Variants in FNDC3B observed in about 807,000 individuals in gnomAD.
FNDC3B encodes fibronectin type III domain containing 3B.
A neutral mutation model predicts 151.5 loss-of-function variants in FNDC3B; 12 were observed. The observed-to-expected ratio is 0.08, with a 90% CI of 0.05 to 0.13. The LOEUF is 0.13. Ranked by LOEUF, FNDC3B falls within the 10% of genes least tolerant of loss-of-function variation. The pLI is 1.00. For synonymous variants in FNDC3B, 528 were observed against 549.0 expected, an observed-to-expected ratio of 0.96 and a Z score of 0.54; for missense variants, 1,214 against 1,505.3, an observed-to-expected ratio of 0.81 and a Z score of 3.20.
chr3:172,397,923 G>A lies in FNDC3B; in HGVS notation c.*448G>A, dbSNP rs1019230015. 1 of 152,976 alleles carries A rather than the reference G, an allele frequency of 6.5e-6. No individual in the cohort carries two copies. The highest frequency in any genetic ancestry group is 2.4e-5 in the African/African-American group (1 of 41,354). The allele number at this position is 152,976 out of a possible 1,614,324, so 9.5% of individuals were successfully genotyped here. A position where few individuals can be genotyped will look rare whatever the true frequency, so the allele number is the denominator to read the frequency against. ...CTTACAGGGCTAGGATTTCAGTGTT[G>A]TCAGAGTATTACCACACAGCAACAG... On this transcript the variant is annotated 3_prime_UTR_variant, in exon 26 of 26. Transcript: ENST00000415807.
At chr3:172,201,687 C>T (rs781314427) in intron 3 of FNDC3B, among the ~76,000 whole-genome samples, 7 of 152,166 alleles carry the variant, frequency 4.6e-5, no homozygotes, top group Non-Finnish European at 7.4e-5. Context: ...AGCAATTTCT[C>T]CAACTCCAGA....
intron 1 of FNDC3B, among the ~76,000 whole-genome samples, chr3:172,088,745 A>G (rs1718672079): frequency 6.6e-6 from 1 of 152,212 alleles, no homozygotes; most frequent in African/African-American, 2.4e-5. Context: ...AGTGAAATCT[A>G]AAAAAGAAAT....
At chr3:172,092,904 C>T (rs918266407) in intron 1 of FNDC3B, among the ~76,000 whole-genome samples, 3 of 152,300 alleles carry the variant, frequency 2.0e-5, no homozygotes, top group African/African-American at 7.2e-5. Flanking sequence ...CTCCTGGGCT[C>T]AAGTGATTCT....
At chr3:172,212,015 A>G (rs1361015357) in intron 3 of FNDC3B, among the ~76,000 whole-genome samples, 2 of 152,244 alleles carry the variant, frequency 1.3e-5, no homozygotes, top group Non-Finnish European at 2.9e-5. Flanking sequence ...ACCATTAATC[A>G]TATAAATAAA....
At chr3:172,354,394 C>A (rs1397603041) in intron 22 of FNDC3B, among the ~76,000 whole-genome samples, 1 of 151,274 alleles carries the variant, frequency 6.6e-6, no homozygotes, top group Admixed American at 6.6e-5. Context: ...ATATTAGGGA[C>A]CAAGTTCAAT....
At chr3:172,293,101 G>A (rs977605344) in intron 7 of FNDC3B, among the ~76,000 whole-genome samples, 1 of 152,140 alleles carries the variant, frequency 6.6e-6, no homozygotes, top group Admixed American at 6.5e-5. Flanking sequence ...GGGGCTCCTC[G>A]AGGCCAAAGA....
intron 1 of FNDC3B, among the ~76,000 whole-genome samples, chr3:172,097,489 G>A (rs1161253529): frequency 6.6e-6 from 1 of 152,158 alleles, no homozygotes; most frequent in African/African-American, 2.4e-5. Context: ...CAATCACATG[G>A]TGCAAAGTAA....
At chr3:172,088,815 T>C (rs1261136315) in intron 1 of FNDC3B, among the ~76,000 whole-genome samples, 1 of 152,236 alleles carries the variant, frequency 6.6e-6, no homozygotes, top group Non-Finnish European at 1.5e-5. Flanking sequence ...GCCATTATGA[T>C]TTTATGATTA....
At position 172,310,056 on chromosome 3, in the gene FNDC3B, C is replaced by T. The variant is rs553639795; in HGVS notation, c.1201-772C>T. Among the ~76,000 whole-genome samples the T allele has an allele frequency of 6.6e-5, 10 of 152,224 alleles. No homozygotes were observed. The East Asian group carries it at 1.7e-3, about 27-fold the overall frequency. ...ATCCGACTCCTCTTCCTGGTTGCTT[C>T]CCCCAACTTGTAGTTCCACTGTCTC... On this transcript the variant is annotated intron_variant, in intron 10 of 25. Transcript: ENST00000415807.
intron 6 of FNDC3B, among the ~76,000 whole-genome samples, chr3:172,272,185 T>C (rs1272497329): frequency 6.6e-6 from 1 of 152,210 alleles, no homozygotes; most frequent in African/African-American, 2.4e-5. Context: ...TTTCTCATAC[T>C]CTGTATAATA....
At chr3:172,167,229 T>G (rs4894816) in intron 3 of FNDC3B, among the ~76,000 whole-genome samples, 1 of 152,112 alleles carries the variant, frequency 6.6e-6, no homozygotes. Context: ...AACCCCATCT[T>G]TATTAAAAAT....
intron 1 of FNDC3B, among the ~76,000 whole-genome samples, chr3:172,109,164 CTTT>C (rs398052444): frequency 1.7e-3 from 210 of 120,058 alleles, no homozygotes; most frequent in Non-Finnish European, 1.7e-3. Flanking sequence ...GCCTTGGATT[CTTT>C]TTTTTTTTTT....
chr3:172,218,425 G>A (rs934064728), intron 3 of FNDC3B, among the ~76,000 whole-genome samples: 2 of 152,144 alleles, frequency 1.3e-5, no homozygotes, highest in African/African-American at 4.8e-5. Flanking sequence ...CTATAAGATG[G>A]AAAGATACTT....
At chr3:172,118,084 C>A (rs1261351327) in intron 2 of FNDC3B, among the ~76,000 whole-genome samples, 8 of 152,236 alleles carry the variant, frequency 5.3e-5, no homozygotes, top group Middle Eastern at 3.4e-3. Context: ...TTTTGAAAGC[C>A]CTTGTTTCCT....
chr3:172,310,804 AT>A, intron 10 of FNDC3B, 23 bp from the exon 11 acceptor site: 1 of 1,583,062 alleles, frequency 6.3e-7, no homozygotes. Context: ...ACTTTCTCTA[AT>A]CTCATGTTAC....
chr3:172,192,101 G>A (rs1233213827), intron 3 of FNDC3B, among the ~76,000 whole-genome samples: 1 of 151,910 alleles, frequency 6.6e-6, no homozygotes, highest in Non-Finnish European at 1.5e-5. Flanking sequence ...GGAAGGCTTG[G>A]TTGGATCAGG....
At chr3:172,360,457 AT>A (rs1260942626) in intron 22 of FNDC3B, among the ~76,000 whole-genome samples, 1 of 151,914 alleles carries the variant, frequency 6.6e-6, no homozygotes, top group Non-Finnish European at 1.5e-5. Context: ...CCAGTTTTTT[AT>A]TTTTTTCTTT....
intron 22 of FNDC3B, among the ~76,000 whole-genome samples, chr3:172,356,130 G>A (rs1285904504): frequency 6.6e-6 from 1 of 152,162 alleles, no homozygotes; most frequent in African/African-American, 2.4e-5. Flanking sequence ...CACTATGTTA[G>A]GCTGCCCAGA....
At chr3:172,180,686 A>G (rs4894819) in intron 3 of FNDC3B, among the ~76,000 whole-genome samples, 100,866 of 152,022 alleles carry the variant, frequency 0.66, 34,040 homozygotes, top group African/African-American at 0.78. Context: ...CGGAGTGTGG[A>G]ACTCTAGTTG....
Sources: allele counts gnomAD v4.1 joint callset (sites outside exome capture counted in the v4.1 genomes callset), GRCh38; gene constraint gnomAD v4.1.1; transcripts MANE v1.5; gene names NCBI Gene and HGNC (gene_info 2026-07-23, HGNC 2026-07-21).